PRKN: variants seen among roughly 807,000 people sequenced by gnomAD.
The protein encoded by PRKN is parkin RBR E3 ubiquitin protein ligase.
Under a neutral mutation model 59.5 loss-of-function variants are expected in PRKN, and 56 were observed. That is an observed-to-expected ratio of 0.94 (90% CI 0.76 to 1.18). The LOEUF (loss-of-function observed/expected upper bound fraction) is 1.18, where lower values mean the gene tolerates loss of function less well. Ranked by LOEUF, PRKN falls within the 50% of genes most tolerant of loss-of-function variation. The pLI is 0.00. For missense variants in PRKN, 657 were observed against 596.4 expected, an observed-to-expected ratio of 1.10 and a Z score of -1.06; for synonymous variants, 250 against 222.1, an observed-to-expected ratio of 1.13 and a Z score of -1.12.
At chr6:161,795,695 CTCAG>C (rs1300895140) in intron 6 of PRKN, among the ~76,000 whole-genome samples, 1 of 152,134 alleles carries the variant, frequency 6.6e-6, no homozygotes, top group Non-Finnish European at 1.5e-5. Flanking sequence ...GATGAGAAAA[CTCAG>C]TCAGGGACAC....
intron 1 of PRKN, among the ~76,000 whole-genome samples, chr6:162,708,902 T>C (rs1214627512): frequency 6.6e-6 from 1 of 152,178 alleles, no homozygotes; most frequent in Admixed American, 6.5e-5. Flanking sequence ...GCGGAGCCAG[T>C]AAACCTTCCT....
chr6:161,369,939 A>G lies in PRKN; in HGVS notation c.1168-9734T>C. Reference sequence around the variant, plus strand: ...TAACCTCACAAGGGTCATCGTGAGTAAGATCAACACACAAACGGCTTAGCA... The same window carrying G: ...TAACCTCACAAGGGTCATCGTGAGTGAGATCAACACACAAACGGCTTAGCA... On this transcript the variant is annotated intron_variant, in intron 10 of 11. Transcript: ENST00000366898. This position sits in a 1 kb window ranked among gnomAD's most constrained non-coding sequence, Gnocchi z 5.8. The G allele has an allele frequency of 2.4e-6, 1 of 423,374 alleles. No homozygotes were observed. The highest frequency in any genetic ancestry group is 5.0e-6 in the Non-Finnish European group (1 of 201,918). The allele number at this position is 423,374 out of a possible 1,614,324, so 26.2% of individuals were successfully genotyped here.
chr6:161,781,328 A>T (rs1790195974), intron 7 of PRKN, among the ~76,000 whole-genome samples: 1 of 152,186 alleles, frequency 6.6e-6, no homozygotes, highest in African/African-American at 2.4e-5. Context: ...GGCCACATTC[A>T]CAAAAAATGT....
chr6:162,163,217 T>C (rs1782833441), intron 4 of PRKN, among the ~76,000 whole-genome samples: 1 of 149,106 alleles, frequency 6.7e-6, no homozygotes, highest in South Asian at 2.1e-4. Context: ...GAATAGGTTA[T>C]CAATTTTACG....
At chr6:162,497,306 T>A (rs925305176) in intron 1 of PRKN, among the ~76,000 whole-genome samples, 2 of 152,182 alleles carry the variant, frequency 1.3e-5, no homozygotes, top group Non-Finnish European at 2.9e-5. Context: ...AAGAAATTAT[T>A]TTAAGTAACT....
intron 1 of PRKN, among the ~76,000 whole-genome samples, chr6:162,567,021 T>C (rs1385943723): frequency 6.6e-6 from 1 of 152,182 alleles, no homozygotes; most frequent in Non-Finnish European, 1.5e-5. Flanking sequence ...CATATGATGA[T>C]TTCAATTGAT....
intron 1 of PRKN, among the ~76,000 whole-genome samples, chr6:162,537,275 T>C (rs545270096): frequency 6.6e-6 from 1 of 152,264 alleles, no homozygotes; most frequent in East Asian, 1.9e-4. Flanking sequence ...AATCCCATAT[T>C]TCCCAAAATG....
intron 1 of PRKN, among the ~76,000 whole-genome samples, chr6:162,642,930 T>C (rs1294225014): frequency 2.0e-5 from 3 of 152,230 alleles, no homozygotes; most frequent in Non-Finnish European, 4.4e-5. Flanking sequence ...TTGTAAGACA[T>C]AGTATGATTG....
At chr6:161,740,043 C>T (rs546803040) in intron 7 of PRKN, among the ~76,000 whole-genome samples, 2 of 152,218 alleles carry the variant, frequency 1.3e-5, no homozygotes, top group Non-Finnish European at 2.9e-5. Flanking sequence ...GCCTGAGCCA[C>T]TGCGCCCGGC....
rs1453679195 is a variant in PRKN, at chr6:161,579,386, G to A, written c.872-9970C>T. ...GTCAGCGGGGCACCTAATTATCATGGTTAATGAGGTTTCTTTAGGAGAAAA... is the reference window on the plus strand; with the variant it reads ...GTCAGCGGGGCACCTAATTATCATGATTAATGAGGTTTCTTTAGGAGAAAA... On this transcript the variant is annotated intron_variant, in intron 7 of 11. Transcript: ENST00000366898. This position sits in a 1 kb window ranked among gnomAD's most constrained non-coding sequence, Gnocchi z 4.2. Among the ~76,000 whole-genome samples, 2 of 152,162 alleles carry A rather than the reference G, an allele frequency of 1.3e-5. No individual in the cohort carries two copies. Among genetic ancestry groups the A allele is most frequent in the African/African-American group, 4.8e-5 (2 of 41,426 alleles).
rs560926637 is a variant in PRKN at position 161,912,549 on chromosome 6, A to C, written c.734+60753T>G. On this transcript the variant is annotated intron_variant, in intron 6 of 11. Coordinates refer to ENST00000366898, the MANE Select transcript of PRKN (RefSeq NM_004562.3). ...ACTCCTGGACACCCCTGAACTAAGA[A>C]GTACAGCTGCAAGAAGAACACAGCA... 3.3e-5 allele frequency among the ~76,000 whole-genome samples: 5 copies of C among 152,106 alleles called. No individual in the cohort carries two copies. In the South Asian group the frequency reaches 8.3e-4, roughly 25 times the overall value.
At chr6:161,610,036 T>C (rs1379679828) in intron 7 of PRKN, among the ~76,000 whole-genome samples, 1 of 152,250 alleles carries the variant, frequency 6.6e-6, no homozygotes, top group Non-Finnish European at 1.5e-5. Flanking sequence ...AATGAGGCAA[T>C]GACTCAGAGT....
In PRKN at chr6:161,369,564, T is replaced by C. The variant is rs1785355621; in HGVS notation, c.1168-9359A>G. On this transcript the variant is annotated intron_variant, in intron 10 of 11. Transcript: ENST00000366898. The surrounding 1 kb of genome is among the most constrained non-coding windows in gnomAD (Gnocchi z 5.8). ...CACCGCCCGATTGTGCAATAAAGTG[T>C]GGCTCTCACGGGGCAGTGTAACTGT... Among the ~76,000 whole-genome samples, 1 of 152,170 alleles carries C rather than the reference T, an allele frequency of 6.6e-6. No homozygotes were observed. Among genetic ancestry groups the C allele is most frequent in the African/African-American group, 2.4e-5 (1 of 41,426 alleles).
At position 161,644,120 on chromosome 6, in the gene PRKN, T is replaced by C. The variant is rs553425983; in HGVS notation, c.872-74704A>G. ...CCTCCAATCTCAGAGGGAAAAAGCA[T>C]AGTCTTTTTGAGAGGGGTTCTAACT... On this transcript the variant is annotated intron_variant, in intron 7 of 11. Coordinates refer to ENST00000366898, the MANE Select transcript of PRKN (RefSeq NM_004562.3). Among the ~76,000 whole-genome samples the C allele has an allele frequency of 9.2e-5, 14 of 152,268 alleles. No individual in the cohort carries two copies. In the East Asian group the frequency reaches 1.9e-3, roughly 21 times the overall value.
intron 1 of PRKN, among the ~76,000 whole-genome samples, chr6:162,676,057 C>G (rs1405694672): frequency 6.6e-6 from 1 of 152,122 alleles, no homozygotes; most frequent in Non-Finnish European, 1.5e-5. Context: ...GCTTTTTCTT[C>G]TGAGTTGTGT....
chr6:162,510,871 C>T (rs549816767), intron 1 of PRKN, among the ~76,000 whole-genome samples: 5 of 151,804 alleles, frequency 3.3e-5, no homozygotes, highest in South Asian at 2.1e-4. Flanking sequence ...TGCGGTGAGC[C>T]GAGATTGTGC....
At chr6:162,397,486 T>A (rs1787535330) in intron 2 of PRKN, among the ~76,000 whole-genome samples, 1 of 151,982 alleles carries the variant, frequency 6.6e-6, no homozygotes, top group Non-Finnish European at 1.5e-5. Context: ...CTGTACTAGA[T>A]ATTTGGAGGT....
intron 1 of PRKN, among the ~76,000 whole-genome samples, chr6:162,465,101 T>A (rs1484249251): frequency 2.6e-5 from 4 of 152,098 alleles, no homozygotes; most frequent in African/African-American, 9.7e-5. Context: ...AACAATCATG[T>A]CAACATTTAA....
At chr6:162,371,459 C>T (rs1184079678) in intron 2 of PRKN, among the ~76,000 whole-genome samples, 3 of 152,148 alleles carry the variant, frequency 2.0e-5, no homozygotes, top group Non-Finnish European at 4.4e-5. Flanking sequence ...GAACATCAGA[C>T]TTTCAAACCC....
Sources: allele counts gnomAD v4.1 joint callset (sites outside exome capture counted in the v4.1 genomes callset), GRCh38; gene constraint gnomAD v4.1.1; non-coding constraint Gnocchi (gnomAD v3.1); transcripts MANE v1.5; gene names NCBI Gene and HGNC (gene_info 2026-07-23, HGNC 2026-07-21).